The following G6PD variants were observed in gnomAD, a reference collection of about 807,000 sequenced individuals.
The protein encoded by G6PD is glucose-6-phosphate 1-dehydrogenase.
G6PD carries 2 observed loss-of-function variants against 38.2 expected under a neutral mutation model. That is an observed-to-expected ratio of 0.05 (90% CI 0.02 to 0.16). The LOEUF (loss-of-function observed/expected upper bound fraction) is 0.16, where lower values mean the gene tolerates loss of function less well. Among genes scored for constraint, G6PD ranks in the 10% least tolerant of loss-of-function variants. The probability of loss-of-function intolerance (pLI) is 1.00; values close to 1 mark genes in which losing one functional copy is unlikely to be tolerated. For synonymous variants in G6PD, 188 were observed against 196.0 expected, an observed-to-expected ratio of 0.96 and a Z score of 0.34; for missense variants, 310 against 471.6, an observed-to-expected ratio of 0.66 and a Z score of 3.17.
upstream of G6PD, chrX:154,547,384 C>T: frequency 2.6e-6 from 2 of 755,261 alleles, no homozygotes; most frequent in Non-Finnish European, 3.1e-6. Context: ...GCCGAGCGCC[C>T]CGAGGCTAGA....
intron 2 of G6PD, among the ~76,000 whole-genome samples, chrX:154,544,265 G>A (rs782663362): frequency 3.6e-5 from 4 of 110,269 alleles, no homozygotes; most frequent in African/African-American, 9.9e-5. Flanking sequence ...TGATTCAAGC[G>A]ATTCTACTGC....
Position 154,546,795 on chromosome X carries a change from T to C in G6PD, c.-15A>G. The C allele has an allele frequency of 8.6e-7, 1 of 1,160,787 alleles. No individual in the cohort carries two copies. The highest frequency in any genetic ancestry group is 1.1e-6 in the Non-Finnish European group (1 of 871,683). On this transcript the variant is annotated 5_prime_UTR_variant, in exon 1 of 13. Transcript: ENST00000393562. ...CGCCCGCCCGGCCGGTTACCTGCGC[T>C]TCGTCGTCGTCGCCCTCCGCGCTCG...
At chrX:154,542,548 G>T (rs2070545467) in intron 2 of G6PD, 1 of 1,037,743 alleles carries the variant, frequency 9.6e-7, no homozygotes, top group Non-Finnish European at 1.3e-6. Context: ...AGGGCCCCCA[G>T]GAAGGAAGCT....
At chrX:154,533,546 T>C in intron 8 of G6PD, 30 bp downstream of exon 8, 1 of 1,206,763 alleles carries the variant, frequency 8.3e-7, no homozygotes, top group East Asian at 3.0e-5. Context: ...CGACAGGGCA[T>C]GCTCCTGGGG....
At position 154,531,955 on chromosome X, in the gene G6PD, GGAA is replaced by G; in HGVS notation, c.*42_*44del. On this transcript the variant is annotated 3_prime_UTR_variant, in exon 13 of 13. Transcript: ENST00000393562. ...CCTCCCGACTCGGGGTCGGGCGGCG[GGAA>G]GGAGGGTGGCCGTGGCGGGGGTGGA... The G allele has an allele frequency of 8.4e-7, 1 of 1,192,169 alleles. No individual in the cohort carries two copies. The highest frequency in any genetic ancestry group is 2.3e-5 in the Admixed American group (1 of 43,820).
At chrX:154,533,396 G>A in intron 8 of G6PD, 180 bp downstream of exon 8, 1 of 551,356 alleles carries the variant, frequency 1.8e-6, no homozygotes, top group Non-Finnish European at 2.9e-6. Flanking sequence ...CCTGGGACAT[G>A]ACAACTTGGG....
intron 2 of G6PD, among the ~76,000 whole-genome samples, chrX:154,537,635 C>A (rs2070425891): frequency 1.8e-5 from 2 of 112,167 alleles, no homozygotes; most frequent in African/African-American, 3.2e-5. Flanking sequence ...AAAAACAGAG[C>A]AATGGACCTG....
In G6PD at chrX:154,531,702, G is replaced by A. The variant is rs2070337064; in HGVS notation, c.*298C>T. 2.7e-6 allele frequency: 1 copy of A among 364,877 alleles called. No homozygotes were observed. The highest frequency in any genetic ancestry group is 4.5e-5 in the Admixed American group (1 of 22,137). The allele number at this position is 364,877 out of a possible 1,213,427, so 30.1% of individuals were successfully genotyped here. A position where few individuals can be genotyped will look rare whatever the true frequency, so the allele number is the denominator to read the frequency against. ...TGAGACCCAGTGGCCAATAAGCTCT[G>A]GGACAGACGAATGGGCGCCCTCCTC... On this transcript the variant is annotated 3_prime_UTR_variant, in exon 13 of 13. Transcript: ENST00000393562.
chrX:154,533,900 T>C, intron 7 of G6PD, 135 bp downstream of exon 7: 1 of 1,200,215 alleles, frequency 8.3e-7, no homozygotes, highest in South Asian at 1.8e-5. Flanking sequence ...TCCAGCCCGG[T>C]CTGATAGCTC....
In G6PD at chrX:154,542,571, A is replaced by G. The variant is rs782248853; in HGVS notation, c.120+3465T>C. The G allele has an allele frequency of 2.8e-5, 26 of 935,815 alleles. No individual in the cohort carries two copies. In the Admixed American group the frequency reaches 1.1e-3, roughly 40 times the overall value. 77.1% of individuals were successfully genotyped at this position (935,815 alleles called of 1,213,427 possible). A position where few individuals can be genotyped will look rare whatever the true frequency, so the allele number is the denominator to read the frequency against. ...CAGGAAGGAAGCTGGGTGTGTGGGCAAGTGTGAGGTAAGCTGGCCAGGGAG... is the reference window on the plus strand; with the variant it reads ...CAGGAAGGAAGCTGGGTGTGTGGGCGAGTGTGAGGTAAGCTGGCCAGGGAG... On this transcript the variant is annotated intron_variant, in intron 2 of 12. Coordinates refer to ENST00000393562, the MANE Select transcript of G6PD (RefSeq NM_001360016.2).
upstream of G6PD, chrX:154,547,231 C>A: frequency 3.4e-6 from 2 of 588,772 alleles, no homozygotes; most frequent in Non-Finnish European, 4.1e-6. Flanking sequence ...GGCAGCGTGG[C>A]CACGCCTCCT....
At chrX:154,538,349 T>C (rs1370856279) in intron 2 of G6PD, among the ~76,000 whole-genome samples, 2 of 112,121 alleles carry the variant, frequency 1.8e-5, no homozygotes, top group African/African-American at 3.2e-5. Context: ...AATCCTGCAA[T>C]GTTAAAAACG....
chrX:154,546,964 G>A (rs1223885860), upstream of G6PD: 3 of 315,693 alleles, frequency 9.5e-6, no homozygotes, highest in African/African-American at 2.8e-5. Context: ...CCCCTCGTGC[G>A]GGCGGGGCGG....
At chrX:154,534,619 C>T in intron 5 of G6PD, 123 bp from the exon 6 acceptor site, 1 of 840,594 alleles carries the variant, frequency 1.2e-6, no homozygotes, top group Non-Finnish European at 1.7e-6. Flanking sequence ...CCCCCGTGGC[C>T]ACCTCCCGTG....
Position 154,531,893 on chromosome X carries a change from G to C in G6PD, c.*107C>G. 1 of 1,125,086 alleles carries C rather than the reference G, an allele frequency of 8.9e-7. No individual in the cohort carries two copies. Among genetic ancestry groups the C allele is most frequent in the Non-Finnish European group, 1.2e-6 (1 of 842,882 alleles). The allele number at this position is 1,125,086 out of a possible 1,213,427, so 92.7% of individuals were successfully genotyped here. On this transcript the variant is annotated 3_prime_UTR_variant, in exon 13 of 13. Coordinates refer to ENST00000393562, the MANE Select transcript of G6PD (RefSeq NM_001360016.2). ...CGGGCCAGGGTGGCCAGAGCCCGGG[G>C]CCAGGAATGTGCAGCTGAGGTCAAT... is the stretch of plus-strand genomic sequence containing the variant.
chrX:154,544,839 T>C (rs1215843030), intron 2 of G6PD, among the ~76,000 whole-genome samples: 1 of 112,309 alleles, frequency 8.9e-6, no homozygotes, highest in Non-Finnish European at 1.9e-5. Flanking sequence ...TTTGACAAAG[T>C]GTGACAGCGC....
intron 2 of G6PD, among the ~76,000 whole-genome samples, chrX:154,539,008 G>A (rs2070442989): frequency 9.0e-6 from 1 of 111,098 alleles, no homozygotes. Flanking sequence ...ACACTTATAG[G>A]AAATGCTGAA....
At chrX:154,545,114 G>A (rs782686142) in intron 2 of G6PD, among the ~76,000 whole-genome samples, 1 of 111,558 alleles carries the variant, frequency 9.0e-6, no homozygotes, top group Admixed American at 9.5e-5. Context: ...ACAGGGGAGG[G>A]TGCTCTAGTC....
In G6PD at chrX:154,532,553, T is replaced by C. The variant is rs1557229641; in HGVS notation, c.1287+14A>G. The C allele has an allele frequency of 1.3e-5, 16 of 1,210,654 alleles. No homozygotes were observed. The highest frequency in any genetic ancestry group is 1.7e-5 in the Non-Finnish European group (15 of 894,322). ...GCCGCCCACCCTCCACACTGCTCCT[T>C]CTCTGTAGGGCACCTTGTATCTGTT... On this transcript the variant is annotated intron_variant, in intron 10 of 12. Coordinates refer to ENST00000393562, the MANE Select transcript of G6PD (RefSeq NM_001360016.2).
Sources: gnomAD v4.1 joint callset for allele counts (sites outside exome capture counted in the v4.1 genomes callset) on GRCh38, gnomAD v4.1.1 for gene constraint, MANE v1.5 for transcripts, NCBI Gene and HGNC (gene_info 2026-07-23, HGNC 2026-07-21) for gene names.